Variants in EML4 observed in about 807,000 individuals in gnomAD.
The protein encoded by EML4 is EMAP like 4.
A neutral mutation model predicts 129.0 loss-of-function variants in EML4; 72 were observed. The observed-to-expected ratio is 0.56, with a 90% CI of 0.46 to 0.68. The LOEUF is 0.68. EML4 is among the 30% of genes least tolerant of loss of function. The probability of loss-of-function intolerance (pLI) is 0.00; values close to 1 mark genes in which losing one functional copy is unlikely to be tolerated. For missense variants in EML4, 1,363 were observed against 1,190.6 expected, an observed-to-expected ratio of 1.14 and a Z score of -2.13; for synonymous variants, 532 against 405.0, an observed-to-expected ratio of 1.31 and a Z score of -3.77.
At position 42,303,233 on chromosome 2, in the gene EML4, A is replaced by G. The variant is rs1668392832; in HGVS notation, c.1767+4A>G. On this transcript the variant is annotated splice_donor_region_variant and intron_variant, in intron 15 of 22. Transcript: ENST00000318522. ...TGGCTTCCAAATAGAAGTACAGGTA[A>G]GCTGTGTGATATTAACCGTTAACTG... The G allele has an allele frequency of 6.2e-7, 1 of 1,614,046 alleles. No individual in the cohort carries two copies. Among genetic ancestry groups the G allele is most frequent in the Non-Finnish European group, 8.5e-7 (1 of 1,180,030 alleles).
At chr2:42,207,501 G>A (rs933416997) in intron 1 of EML4, among the ~76,000 whole-genome samples, 2 of 152,082 alleles carry the variant, frequency 1.3e-5, no homozygotes, top group African/African-American at 2.4e-5. Context: ...TCTTGCTTAC[G>A]TTAGCAGCTC....
chr2:42,215,251 G>T (rs935453927), intron 1 of EML4, among the ~76,000 whole-genome samples: 1 of 152,058 alleles, frequency 6.6e-6, no homozygotes, highest in African/African-American at 2.4e-5. Flanking sequence ...GTTGAGATGA[G>T]GTTTTGCCAT....
At chr2:42,291,918 C>G (rs1438282232) in intron 11 of EML4, among the ~76,000 whole-genome samples, 2 of 152,100 alleles carry the variant, frequency 1.3e-5, no homozygotes, top group Non-Finnish European at 2.9e-5. Context: ...CAAAGAAATT[C>G]AAATTAAAAC....
chr2:42,287,538 G>A (rs1667379032), intron 10 of EML4, among the ~76,000 whole-genome samples: 1 of 152,002 alleles, frequency 6.6e-6, no homozygotes, highest in East Asian at 1.9e-4. Flanking sequence ...TCACTACAAT[G>A]TTTCTCTGTT....
At chr2:42,183,870 AGGATGCTGG>A (rs1338032831) in intron 1 of EML4, among the ~76,000 whole-genome samples, 2 of 152,142 alleles carry the variant, frequency 1.3e-5, no homozygotes, top group Non-Finnish European at 2.9e-5. Flanking sequence ...GAGAATTCTC[AGGATGCTGG>A]GGAGGTCTTA....
At position 42,295,145 on chromosome 2, in the gene EML4, G is replaced by A; in HGVS notation, c.1239G>A (p.Leu413=). ...AEIKTTNEVV[L]AVEFHPTDAN... is the part of the protein sequence containing the mutation. ...CATAGACAACAAATGAAGTTGTTTT[G>A]GCTGTGGAGTTTCACCCAACAGATG... Residue 413 remains leucine (L), a synonymous_variant, in exon 12 of 23, where the codon TTG becomes TTA. Coordinates refer to ENST00000318522, the MANE Select transcript of EML4 (RefSeq NM_019063.5). 2 of 1,611,072 alleles carry A rather than the reference G, an allele frequency of 1.2e-6. No homozygotes were observed. Among genetic ancestry groups the A allele is most frequent in the Non-Finnish European group, 1.7e-6 (2 of 1,179,078 alleles).
intron 1 of EML4, among the ~76,000 whole-genome samples, chr2:42,176,126 T>G (rs1256244962): frequency 1.3e-5 from 2 of 152,198 alleles, no homozygotes; most frequent in East Asian, 3.8e-4. Context: ...TGAATCAGCT[T>G]CTTTTCCTTA....
chr2:42,217,288 AG>A (rs1382303461), intron 1 of EML4, among the ~76,000 whole-genome samples: 4 of 152,204 alleles, frequency 2.6e-5, no homozygotes, highest in Non-Finnish European at 4.4e-5. Flanking sequence ...TGTACTGAAC[AG>A]GATTATACTT....
chr2:42,258,692 G>A (rs1379228491), intron 3 of EML4, among the ~76,000 whole-genome samples: 1 of 151,952 alleles, frequency 6.6e-6, no homozygotes, highest in Non-Finnish European at 1.5e-5. Flanking sequence ...GAGCCACTGT[G>A]ACTGGCCAAA....
At chr2:42,230,039 C>G (rs1273894273) in intron 1 of EML4, among the ~76,000 whole-genome samples, 2 of 151,956 alleles carry the variant, frequency 1.3e-5, no homozygotes, top group African/African-American at 4.8e-5. Flanking sequence ...TTCCAGATTC[C>G]CCCTCAGCTA....
intron 1 of EML4, among the ~76,000 whole-genome samples, chr2:42,178,593 C>T (rs1401618924): frequency 6.6e-6 from 1 of 152,056 alleles, no homozygotes; most frequent in African/African-American, 2.4e-5. Context: ...TGGTGAGTAT[C>T]CCCCGTGTGG....
rs35669886 is a variant in EML4, at chr2:42,303,191, C to G, written c.1729C>G (p.Arg577Gly). The change falls in exon 15 of 23, where the codon CGA becomes GGA. Residue 577 changes from arginine to glycine, a missense_variant. By Grantham distance (125) the Arg-to-Gly change is moderately radical. Coordinates refer to ENST00000318522, the MANE Select transcript of EML4 (RefSeq NM_019063.5). ...AGGCACATCACGAAACTTTATTTTA[C>G]GAGGAACATTTAATGATGGCTTCCA... ...LVGTSRNFIL[R>G]GTFNDGFQIE... The G allele has an allele frequency of 5.0e-6, 8 of 1,614,002 alleles. No homozygotes were observed. Among genetic ancestry groups the G allele is most frequent in the African/African-American group, 1.3e-5 (1 of 74,982 alleles).
intron 1 of EML4, among the ~76,000 whole-genome samples, chr2:42,231,147 C>G (rs941825884): frequency 2.6e-5 from 4 of 152,246 alleles, no homozygotes; most frequent in Non-Finnish European, 2.9e-5. Flanking sequence ...TCCACTGAAA[C>G]TTCTCTGGTA....
intron 6 of EML4, among the ~76,000 whole-genome samples, chr2:42,266,116 G>A (rs1053266668): frequency 5.9e-5 from 9 of 152,112 alleles, no homozygotes; most frequent in Non-Finnish European, 1.2e-4. Context: ...CTTGATTTCT[G>A]TGGATTTTTA....
intron 11 of EML4, 144 bp from the exon 12 acceptor site, chr2:42,294,981 A>G: frequency 1.5e-6 from 1 of 679,394 alleles, no homozygotes; most frequent in South Asian, 2.7e-5. Context: ...ACATTATCAA[A>G]ATTTTTCAGG....
chr2:42,214,562 C>G (rs1673071291), intron 1 of EML4, among the ~76,000 whole-genome samples: 1 of 152,064 alleles, frequency 6.6e-6, no homozygotes, highest in Admixed American at 6.5e-5. Flanking sequence ...AAACAAACAC[C>G]TAATACTTAG....
chr2:42,292,946 T>G (rs1295391137), intron 11 of EML4, among the ~76,000 whole-genome samples: 4 of 152,152 alleles, frequency 2.6e-5, no homozygotes, highest in African/African-American at 9.7e-5. Flanking sequence ...TGGCCTAAGA[T>G]TTAACTGTCA....
intron 1 of EML4, among the ~76,000 whole-genome samples, chr2:42,199,217 G>A (rs75913054): frequency 1.3e-5 from 2 of 152,192 alleles, no homozygotes; most frequent in Admixed American, 6.5e-5. Context: ...ATGAGTAATT[G>A]TTGTGGGTAA....
rs17029557 is a variant in EML4 at position 42,298,092 on chromosome 2, A to G, written c.1489+2576A>G. On this transcript the variant is annotated intron_variant, in intron 13 of 22. Coordinates refer to ENST00000318522, the MANE Select transcript of EML4 (RefSeq NM_019063.5). ...GGGTAAGTGGAAGTTGAGAGTATCT[A>G]CAGAACCATTAAAATGTTCACCATT... Among the ~76,000 whole-genome samples the G allele has an allele frequency of 3.2e-3, 486 of 152,360 alleles. 6 individuals are homozygous for G. The highest frequency in any genetic ancestry group is 0.011 in the African/African-American group (456 of 41,584).
Sources: gnomAD v4.1 joint callset for allele counts (sites outside exome capture counted in the v4.1 genomes callset) on GRCh38, gnomAD v4.1.1 for gene constraint, MANE v1.5 for transcripts, NCBI Gene and HGNC (gene_info 2026-07-23, HGNC 2026-07-21) for gene names.